Variants in FCRL4 observed in about 807,000 individuals in gnomAD.
FCRL4 encodes Fc receptor like 4.
A neutral mutation model predicts 64.1 loss-of-function variants in FCRL4; 43 were observed. That is an observed-to-expected ratio of 0.67 (90% confidence interval 0.53 to 0.87). The LOEUF (loss-of-function observed/expected upper bound fraction) is 0.87. Ranked by LOEUF, FCRL4 falls within the 40% of genes least tolerant of loss-of-function variation. FCRL4 has a pLI of 0.00. For missense variants in FCRL4, 656 were observed against 613.5 expected, an observed-to-expected ratio of 1.07 and a Z score of -0.73; for synonymous variants, 253 against 239.8, an observed-to-expected ratio of 1.05 and a Z score of -0.51.
chr1:157,596,687 T>C (rs982047076), intron 1 of FCRL4, among the ~76,000 whole-genome samples: 2 of 152,316 alleles, frequency 1.3e-5, no homozygotes, highest in African/African-American at 4.8e-5. Flanking sequence ...CTGTCATTAA[T>C]TTTTTAGTAT....
rs1386601138 is a variant in FCRL4, at chr1:157,585,344, C to CTCTCTCTTTCTT, written c.1135+823_1135+824insAAGAAAGAGAGA. On this transcript the variant is annotated intron_variant, in intron 6 of 11. Coordinates refer to ENST00000271532, the MANE Select transcript of FCRL4 (RefSeq NM_031282.3). ...CTTCCTTCTCTCTTTCTTTCTCTCT[C>CTCTCTCTTTCTT]TCTTTCTTTCTTTCTTTCTTTCTTT... Among the ~76,000 whole-genome samples the CTCTCTCTTTCTT allele has an allele frequency of 7.1e-3, 573 of 81,244 alleles. 11 individuals carry two copies. The highest frequency in any genetic ancestry group is 0.011 in the East Asian group (27 of 2,350). The allele number at this position is 81,244 out of a possible 152,430, so 53.3% of individuals were successfully genotyped here.
rs191697742 is a variant in FCRL4 at position 157,581,389 on chromosome 1, C to T, written c.1249+142G>A. On this transcript the variant is annotated intron_variant, in intron 7 of 11. Coordinates refer to ENST00000271532, the MANE Select transcript of FCRL4 (RefSeq NM_031282.3). ...AACTGCCCCTTAAGGAAGGGACGGA[C>T]GTGAGTGTGTGTGAACGCTGGGAGT... The T allele has an allele frequency of 6.5e-5, 42 of 646,784 alleles. 1 individual carries two copies. In the Admixed American group the frequency reaches 8.0e-4, roughly 12 times the overall value. The allele number at this position is 646,784 out of a possible 1,614,324, so 40.1% of individuals were successfully genotyped here. A position where few individuals can be genotyped will look rare whatever the true frequency, so the allele number is the denominator to read the frequency against.
At chr1:157,586,744 A>G (rs1324560531) in intron 5 of FCRL4, among the ~76,000 whole-genome samples, 2 of 152,220 alleles carry the variant, frequency 1.3e-5, no homozygotes, top group Non-Finnish European at 2.9e-5. Context: ...TTTGAGGGGC[A>G]GGTAATAGCA....
chr1:157,591,998 G>A (rs574637924), intron 2 of FCRL4, among the ~76,000 whole-genome samples: 22 of 152,276 alleles, frequency 1.4e-4, no homozygotes, highest in East Asian at 1.2e-3. Context: ...ATGGGGAAAC[G>A]ATTCCCTATT....
chr1:157,597,962 T>C lies in FCRL4; in HGVS notation c.-18A>G. The C allele has an allele frequency of 6.2e-7, 1 of 1,610,222 alleles. No homozygotes were observed. Among genetic ancestry groups the C allele is most frequent in the African/African-American group, 1.3e-5 (1 of 74,938 alleles). On this transcript the variant is annotated 5_prime_UTR_variant, in exon 1 of 12. Transcript: ENST00000271532. ...AGCAGCATGGAAGCCTGCTCCAGGA[T>C]TGGAGAAGGAGTTCTGAGGAGACAA... is the stretch of plus-strand genomic sequence containing the variant.
At chr1:157,588,776 G>A (rs1224658235) in intron 3 of FCRL4, among the ~76,000 whole-genome samples, 1 of 152,202 alleles carries the variant, frequency 6.6e-6, no homozygotes, top group Admixed American at 6.5e-5. Context: ...GGAAAACTAG[G>A]AATGAGGAAG....
chr1:157,582,575 C>G (rs1652586076), intron 6 of FCRL4, among the ~76,000 whole-genome samples: 1 of 152,202 alleles, frequency 6.6e-6, no homozygotes, highest in Non-Finnish European at 1.5e-5. Context: ...ACAGAATTGA[C>G]AGAGAACATG....
rs1214804758 is a variant in FCRL4 at position 157,587,269 on chromosome 1, C to T, written c.847+7G>A. ...GCAGGGAAGATGCCTGGCTCTCCAACACTCACGCTGCACATGGATCTGTAG... is the reference window on the plus strand; with the variant it reads ...GCAGGGAAGATGCCTGGCTCTCCAATACTCACGCTGCACATGGATCTGTAG... On this transcript the variant is annotated splice_region_variant and intron_variant, in intron 5 of 11. Coordinates refer to ENST00000271532, the MANE Select transcript of FCRL4 (RefSeq NM_031282.3). 2 of 1,611,374 alleles carry T rather than the reference C, an allele frequency of 1.2e-6. No homozygotes were observed. Among genetic ancestry groups the T allele is most frequent in the South Asian group, 1.1e-5 (1 of 90,988 alleles).
At chr1:157,591,428 T>C (rs1483292626) in intron 2 of FCRL4, among the ~76,000 whole-genome samples, 2 of 152,174 alleles carry the variant, frequency 1.3e-5, no homozygotes, top group East Asian at 3.8e-4. Flanking sequence ...ACATGTAGCA[T>C]GAGCATGTGG....
In FCRL4 at chr1:157,580,308, A is replaced by T. The variant is rs756628490; in HGVS notation, c.1277+13T>A. ...GGGAAACTAAAAAGGAATGGCAGAA[A>T]CTGAGGTCTCACCTGGTTTCGTCTC... On this transcript the variant is annotated intron_variant, in intron 8 of 11. Coordinates refer to ENST00000271532, the MANE Select transcript of FCRL4 (RefSeq NM_031282.3). 2 of 1,614,090 alleles carry T rather than the reference A, an allele frequency of 1.2e-6. No individual in the cohort carries two copies. Among genetic ancestry groups the T allele is most frequent in the South Asian group, 2.2e-5 (2 of 91,078 alleles).
At chr1:157,584,288 C>T (rs548486119) in intron 6 of FCRL4, among the ~76,000 whole-genome samples, 1 of 152,242 alleles carries the variant, frequency 6.6e-6, no homozygotes, top group Admixed American at 6.5e-5. Context: ...TTCCTCTCCC[C>T]TAATCTGATT....
At chr1:157,597,059 T>A (rs995128434) in intron 1 of FCRL4, among the ~76,000 whole-genome samples, 4 of 152,230 alleles carry the variant, frequency 2.6e-5, no homozygotes, top group African/African-American at 9.6e-5. Flanking sequence ...ATTTGTGTAA[T>A]ATTTTTCTCA....
chr1:157,590,878 GA>G (rs1414241634), intron 2 of FCRL4, among the ~76,000 whole-genome samples: 1 of 152,160 alleles, frequency 6.6e-6, no homozygotes, highest in African/African-American at 2.4e-5. Context: ...GGAATCAAGA[GA>G]ACCTTTTTCC....
intron 6 of FCRL4, among the ~76,000 whole-genome samples, chr1:157,585,375 TTTCTTTCTTTC>T (rs1208560819): frequency 8.4e-6 from 1 of 119,132 alleles, no homozygotes; most frequent in Non-Finnish European, 1.8e-5. Flanking sequence ...TCTTTCTTTC[TTTCTTTCTTTC>T]TTTCTTTCCT....
At chr1:157,579,416 A>G (rs1423516346) in intron 8 of FCRL4, among the ~76,000 whole-genome samples, 1 of 151,584 alleles carries the variant, frequency 6.6e-6, no homozygotes, top group African/African-American at 2.4e-5. Flanking sequence ...TAGTGATTAA[A>G]TGTCTTTACT....
intron 2 of FCRL4, 132 bp downstream of exon 2, chr1:157,596,196 G>T: frequency 1.0e-6 from 1 of 1,002,578 alleles, no homozygotes; most frequent in Non-Finnish European, 1.5e-6. Flanking sequence ...CACACGAGCT[G>T]ATGTCTCTAC....
chr1:157,578,391 C>T (rs1008858753), intron 10 of FCRL4, 83 bp downstream of exon 10: 1 of 1,149,752 alleles, frequency 8.7e-7, no homozygotes, highest in Non-Finnish European at 1.3e-6. Flanking sequence ...TACAAGAATA[C>T]CTAGCACATA....
intron 6 of FCRL4, among the ~76,000 whole-genome samples, chr1:157,585,215 CTTCCTTTCTTTCCTCT>C (rs1206656511): frequency 1.3e-5 from 2 of 150,318 alleles, no homozygotes; most frequent in Non-Finnish European, 3.0e-5. Flanking sequence ...AAGCTAGATT[CTTCCTTTCTTTCCTCT>C]TTCCTTTCTT....
chr1:157,579,401 G>A (rs1165215270), intron 8 of FCRL4, among the ~76,000 whole-genome samples: 3 of 150,532 alleles, frequency 2.0e-5, no homozygotes, highest in Non-Finnish European at 3.0e-5. Context: ...TTCATCATCA[G>A]GAAGTAGTGA....
Sources: gnomAD v4.1 joint callset for allele counts (sites outside exome capture counted in the v4.1 genomes callset) on GRCh38, gnomAD v4.1.1 for gene constraint, MANE v1.5 for transcripts, NCBI Gene and HGNC (gene_info 2026-07-23, HGNC 2026-07-21) for gene names.